The following SYBU variants were observed in gnomAD, a reference collection of about 807,000 sequenced individuals.
SYBU encodes syntabulin.
In SYBU, 21 loss-of-function variants were observed where a neutral mutation model predicts 35.9. The observed-to-expected ratio is 0.58, with a 90% confidence interval of 0.41 to 0.84. The LOEUF is 0.84. SYBU is among the 40% of genes least tolerant of loss of function. SYBU has a pLI of 0.00. For missense variants in SYBU, 768 were observed against 848.2 expected (o/e 0.91, Z 1.17); for synonymous variants, 319 against 324.3 (o/e 0.98, Z 0.18).
At chr8:109,603,603 C>G (rs1723358443) in intron 3 of SYBU, 1 of 158,820 alleles carries the variant, frequency 6.3e-6, no homozygotes, top group Admixed American at 6.6e-5. Context: ...TGTGAAAAAC[C>G]AAAATAAAAT....
intron 1 of SYBU, among the ~76,000 whole-genome samples, chr8:109,659,939 A>C (rs1195095686): frequency 6.6e-6 from 1 of 152,166 alleles, no homozygotes; most frequent in East Asian, 1.9e-4. Flanking sequence ...AATGTTTCAT[A>C]AAAAAGAACA....
chr8:109,640,248 G>A (rs1814704839), intron 2 of SYBU, among the ~76,000 whole-genome samples: 1 of 152,200 alleles, frequency 6.6e-6, no homozygotes, highest in Non-Finnish European at 1.5e-5. Context: ...TCCTAGGAAG[G>A]AGGATGATTC....
upstream of SYBU, chr8:109,647,335 C>G (rs76833350): frequency 2.4e-3 from 364 of 152,240 alleles, no homozygotes; most frequent in African/African-American, 8.3e-3. Context: ...TCTTTTTCGT[C>G]GAGACTGCTG....
chr8:109,689,558 C>G (rs938698102), intron 1 of SYBU, among the ~76,000 whole-genome samples: 2 of 152,124 alleles, frequency 1.3e-5, no homozygotes, highest in African/African-American at 4.8e-5. Flanking sequence ...TCTCAAACTA[C>G]TGGACTCAAG....
chr8:109,609,371 T>C (rs1482934158), intron 3 of SYBU, among the ~76,000 whole-genome samples: 1 of 152,260 alleles, frequency 6.6e-6, no homozygotes, highest in Non-Finnish European at 1.5e-5. Flanking sequence ...TTTGTAATTA[T>C]TCCTATGGTA....
intron 1 of SYBU, among the ~76,000 whole-genome samples, chr8:109,663,815 C>T (rs16879903): frequency 0.12 from 18,837 of 152,018 alleles, 3,280 homozygotes; most frequent in African/African-American, 0.39. Flanking sequence ...GTTTCTGATG[C>T]TATTTCATAC....
upstream of SYBU, among the ~76,000 whole-genome samples, chr8:109,649,513 C>T (rs970438019): frequency 1.3e-5 from 2 of 152,196 alleles, no homozygotes; most frequent in Non-Finnish European, 2.9e-5. Context: ...GCCCGACAAA[C>T]GAGTGTTCAG....
chr8:109,688,381 C>T (rs942533685), intron 1 of SYBU, among the ~76,000 whole-genome samples: 6 of 152,134 alleles, frequency 3.9e-5, no homozygotes, highest in Non-Finnish European at 4.4e-5. Flanking sequence ...GAAGTGTGTA[C>T]ACAGGAACCT....
chr8:109,684,454 A>G (rs1817473198), upstream of SYBU, among the ~76,000 whole-genome samples: 1 of 152,252 alleles, frequency 6.6e-6, no homozygotes, highest in African/African-American at 2.4e-5. Flanking sequence ...AAACATAAGA[A>G]ATATCAGACT....
chr8:109,617,632 C>T (rs527944016), intron 3 of SYBU, among the ~76,000 whole-genome samples: 1 of 152,266 alleles, frequency 6.6e-6, no homozygotes, highest in Admixed American at 6.5e-5. Context: ...TGCTCAACAC[C>T]CTTTGTATCA....
At chr8:109,611,950 C>T (rs2844239) in intron 3 of SYBU, among the ~76,000 whole-genome samples, 48,362 of 151,952 alleles carry the variant, frequency 0.32, 8,898 homozygotes, top group African/African-American at 0.5. Flanking sequence ...ATTTTTAGGG[C>T]TCTACCAACA....
At chr8:109,666,986 A>T (rs563102255) in intron 1 of SYBU, among the ~76,000 whole-genome samples, 14 of 152,326 alleles carry the variant, frequency 9.2e-5, no homozygotes, top group African/African-American at 3.4e-4. Context: ...GAATTGGCAT[A>T]CCACAATAAA....
intron 3 of SYBU, chr8:109,607,808 T>TCTCACACACACACACACACA: frequency 2.7e-6 from 1 of 375,454 alleles, no homozygotes; most frequent in East Asian, 4.4e-5. Context: ...CACAACTAAC[T>TCTCACACACACACACACACA]CACACACACA....
In SYBU at chr8:109,618,845, G is replaced by C. The variant is rs201083251; in HGVS notation, c.424C>G (p.Pro142Ala). Residue 142 changes from proline (P) to alanine (A), a missense_variant, in exon 3 of 7, where the codon CCA becomes GCA. By Grantham distance (27) the Pro-to-Ala change is conservative (BLOSUM62 -1). Coordinates refer to ENST00000276646, the MANE Select transcript of SYBU (RefSeq NM_001099754.2). ...CATGACGAGTAAGTTCACTGACCTG[G>C]TTTCACAAGGCCTGACTTTGATTCC... ...KKESKSGLVKPGSEADFSSSS... is the reference protein window; with the variant it reads ...KKESKSGLVKAGSEADFSSSS... 1.9e-4 allele frequency: 307 copies of C among 1,613,944 alleles called. 2 individuals carry two copies. Among genetic ancestry groups the C allele is most frequent in the Non-Finnish European group, 1.1e-5 (13 of 1,179,854 alleles).
chr8:109,584,147 T>C lies in SYBU; in HGVS notation c.530+1913A>G, dbSNP rs374018299. Among the ~76,000 whole-genome samples the C allele has an allele frequency of 1.4e-4, 22 of 152,290 alleles. No individual in the cohort carries two copies. In the East Asian group the frequency reaches 4.3e-3, roughly 29 times the overall value. ...ATTTTTAAAAACTGAGGATAATGGATAGAACACTGCCATTTTCAATTTTCC... is the reference window on the plus strand; with the variant it reads ...ATTTTTAAAAACTGAGGATAATGGACAGAACACTGCCATTTTCAATTTTCC... On this transcript the variant is annotated intron_variant, in intron 4 of 6. Coordinates refer to ENST00000276646, the MANE Select transcript of SYBU (RefSeq NM_001099754.2). This position sits in a 1 kb window ranked among gnomAD's most constrained non-coding sequence, Gnocchi z 4.0.
At chr8:109,609,643 C>G (rs986696401) in intron 3 of SYBU, among the ~76,000 whole-genome samples, 1 of 152,140 alleles carries the variant, frequency 6.6e-6, no homozygotes, top group Non-Finnish European at 1.5e-5. Context: ...AATAAGCACC[C>G]ATTTGACTCT....
chr8:109,608,185 C>A, intron 3 of SYBU: 1 of 452,942 alleles, frequency 2.2e-6, no homozygotes, highest in Non-Finnish European at 3.9e-6. Context: ...TGCAGTGTTC[C>A]AATGAAACCA....
At chr8:109,614,363 C>G (rs1304526329) in intron 3 of SYBU, among the ~76,000 whole-genome samples, 1 of 152,230 alleles carries the variant, frequency 6.6e-6, no homozygotes, top group African/African-American at 2.4e-5. Flanking sequence ...TGGGTAGAAA[C>G]AGTTTCATCA....
intron 3 of SYBU, among the ~76,000 whole-genome samples, chr8:109,609,182 C>T (rs1398039593): frequency 6.6e-6 from 1 of 152,176 alleles, no homozygotes; most frequent in African/African-American, 2.4e-5. Flanking sequence ...CATTAGAGTC[C>T]TTCCAAAGCC....
Sources: allele counts gnomAD v4.1 joint callset (sites outside exome capture counted in the v4.1 genomes callset), GRCh38; gene constraint gnomAD v4.1.1; non-coding constraint Gnocchi (gnomAD v3.1); transcripts MANE v1.5; gene names NCBI Gene and HGNC (gene_info 2026-07-23, HGNC 2026-07-21).